PTPA: variants seen among roughly 807,000 people sequenced by gnomAD.
PTPA encodes protein phosphatase 2 phosphatase activator.
In PTPA, 13 loss-of-function variants were observed where a neutral mutation model predicts 43.6. The observed-to-expected ratio is 0.30, with a 90% CI of 0.19 to 0.47. The LOEUF is 0.47. Ranked by LOEUF, PTPA falls within the 20% of genes least tolerant of loss-of-function variation. The pLI is 0.99. For missense variants in PTPA, 329 were observed against 411.9 expected (o/e 0.80, Z 1.74); for synonymous variants, 172 against 158.2 (o/e 1.09, Z -0.66).
chr9:129,137,911 A>C (rs537483246), intron 8 of PTPA: 6 of 569,366 alleles, frequency 1.1e-5, no homozygotes, highest in Non-Finnish European at 2.0e-5. Flanking sequence ...GTTTCTCCTG[A>C]ACACCACAGG....
intron 6 of PTPA, among the ~76,000 whole-genome samples, 170 bp downstream of exon 6, chr9:129,135,064 A>G (rs1339091616): frequency 6.6e-6 from 1 of 152,152 alleles, no homozygotes; most frequent in Non-Finnish European, 1.5e-5. Flanking sequence ...TTTTTCCAAC[A>G]GGTTCAAATT....
In PTPA at chr9:129,147,404, T is replaced by C. The variant is rs372241865; in HGVS notation, c.912T>C (p.Pro304=). 7.4e-6 allele frequency: 12 copies of C among 1,613,908 alleles called. No homozygotes were observed. In the African/African-American group the frequency reaches 1.5e-4, roughly 20 times the overall value. The change falls in exon 10 of 10, where the codon CCT becomes CCC. Residue 304 remains proline, a synonymous_variant. Coordinates refer to ENST00000393370, the MANE Select transcript of PTPA (RefSeq NM_178000.3). ...MYKAECLEKF[P]VIQHFKFGSL... ...CCTCACAGTGCCTGGAGAAGTTCCC[T>C]GTGATCCAGCACTTCAAGTTCGGGA...
At chr9:129,111,167 A>C (rs1024731926), upstream of PTPA, 25 of 1,175,332 alleles carry the variant, frequency 2.1e-5, no homozygotes, top group African/African-American at 3.4e-4. Context: ...ACCCACAAAG[A>C]TGACAGGTGG....
intron 2 of PTPA, among the ~76,000 whole-genome samples, chr9:129,120,901 C>T (rs113410020): frequency 8.7e-4 from 132 of 152,286 alleles, no homozygotes; most frequent in African/African-American, 3.1e-3. Flanking sequence ...ATTGGCTGAA[C>T]ATGAGTGTTT....
chr9:129,111,453 T>C lies in PTPA; in HGVS notation c.-148T>C. On this transcript the variant is annotated 5_prime_UTR_variant, in exon 1 of 10. Coordinates refer to ENST00000393370, the MANE Select transcript of PTPA (RefSeq NM_178000.3). ...CCGTCTTCGCTGTGGTGACTTTAACTCTCGGTTTTCGGTTATAGCCGGCCG... is the reference window on the plus strand; with the variant it reads ...CCGTCTTCGCTGTGGTGACTTTAACCCTCGGTTTTCGGTTATAGCCGGCCG... 8.0e-7 allele frequency: 1 copy of C among 1,256,082 alleles called. No individual in the cohort carries two copies. Among genetic ancestry groups the C allele is most frequent in the Non-Finnish European group, 1.0e-6 (1 of 992,350 alleles). 77.8% of individuals were successfully genotyped at this position (1,256,082 alleles called of 1,614,324 possible).
chr9:129,119,887 G>T (rs1223606731), intron 1 of PTPA, among the ~76,000 whole-genome samples: 2 of 152,122 alleles, frequency 1.3e-5, no homozygotes, highest in African/African-American at 2.4e-5. Flanking sequence ...TGTGGGTTTG[G>T]CTTAACAAGC....
rs768468985 is a variant in PTPA, at chr9:129,128,989, T to C, written c.221T>C (p.Ile74Thr). 4 of 1,613,200 alleles carry C rather than the reference T, an allele frequency of 2.5e-6. No homozygotes were observed. In the Admixed American group the frequency reaches 6.7e-5, roughly 27 times the overall value. ...LTFEYRVSEAIEKLVALLNTL... is the reference protein window; with the variant it reads ...LTFEYRVSEATEKLVALLNTL... The stretch of plus-strand genomic sequence containing the variant: ...CCCTCTATTTTGCCTCCACAGGCCA[T>C]TGAGAAACTAGTCGCTCTTCTCAAC... The change falls in exon 4 of 10, where the codon ATT becomes ACT. Residue 74 changes from isoleucine to threonine, a missense_variant. Ile to Thr is a moderately conservative substitution (Grantham distance 89). Coordinates refer to ENST00000393370, the MANE Select transcript of PTPA (RefSeq NM_178000.3).
chr9:129,137,341 C>T (rs1468120979), intron 7 of PTPA, among the ~76,000 whole-genome samples: 2 of 152,198 alleles, frequency 1.3e-5, no homozygotes, highest in Non-Finnish European at 2.9e-5. Context: ...AGGAGGTGCT[C>T]TTCTTGTCCC....
At chr9:129,146,264 C>G (rs1314807162) in intron 9 of PTPA, among the ~76,000 whole-genome samples, 2 of 152,182 alleles carry the variant, frequency 1.3e-5, no homozygotes, top group African/African-American at 4.8e-5. Flanking sequence ...AGGATCCTGG[C>G]TGTGGCCAGG....
intron 8 of PTPA, 46 bp downstream of exon 8, chr9:129,137,738 C>A (rs1850473748): frequency 6.7e-7 from 1 of 1,484,244 alleles, no homozygotes; most frequent in South Asian, 1.2e-5. Flanking sequence ...CCTCCAGGCT[C>A]AGATGAACCA....
intron 3 of PTPA, 108 bp from the exon 4 acceptor site, chr9:129,128,877 G>GT: frequency 7.1e-7 from 1 of 1,400,480 alleles, no homozygotes; most frequent in Non-Finnish European, 9.8e-7. Context: ...AGAGTTCCCA[G>GT]TAGGGGCCAT....
intron 6 of PTPA, 71 bp from the exon 7 acceptor site, chr9:129,136,399 TC>T: frequency 6.7e-7 from 1 of 1,496,166 alleles, no homozygotes; most frequent in South Asian, 1.3e-5. Context: ...CTCCTTGTGC[TC>T]CCAGTGGCCG....
At chr9:129,144,487 C>G (rs1851148430) in intron 9 of PTPA, among the ~76,000 whole-genome samples, 1 of 152,116 alleles carries the variant, frequency 6.6e-6, no homozygotes, top group Non-Finnish European at 1.5e-5. Flanking sequence ...GCCTGTAATC[C>G]CAGCACTTTG....
chr9:129,137,767 T>C, intron 8 of PTPA, 75 bp downstream of exon 8: 1 of 1,356,204 alleles, frequency 7.4e-7, no homozygotes, highest in Non-Finnish European at 1.0e-6. Flanking sequence ...GGCCTTACAG[T>C]GGATCAGAAG....
intron 8 of PTPA, among the ~76,000 whole-genome samples, chr9:129,140,571 G>T (rs555167094): frequency 1.3e-5 from 2 of 152,352 alleles, no homozygotes; most frequent in African/African-American, 4.8e-5. Context: ...GGAGGCAGGG[G>T]CTCTTGTCTT....
intron 3 of PTPA, among the ~76,000 whole-genome samples, chr9:129,128,223 C>T (rs1849709287): frequency 6.6e-6 from 1 of 152,106 alleles, no homozygotes. Context: ...GAGAAGATAA[C>T]ACAGAAGGGT....
chr9:129,143,512 A>C, intron 9 of PTPA: 1 of 695,172 alleles, frequency 1.4e-6, no homozygotes, highest in South Asian at 1.5e-5. Context: ...TCCCATCAGC[A>C]GAGGCGGGAC....
intron 3 of PTPA, among the ~76,000 whole-genome samples, chr9:129,124,752 C>T (rs1385808032): frequency 6.6e-6 from 1 of 152,206 alleles, no homozygotes; most frequent in African/African-American, 2.4e-5. Flanking sequence ...AAGGGCCTCC[C>T]TTTACTTTGG....
At chr9:129,111,191 G>C (rs1848443582), upstream of PTPA, 34 of 1,089,270 alleles carry the variant, frequency 3.1e-5, no homozygotes, top group South Asian at 9.2e-5. Flanking sequence ...TCCGGGACAG[G>C]AGACTGTCCC....
Sources: gnomAD v4.1 joint callset for allele counts (sites outside exome capture counted in the v4.1 genomes callset) on GRCh38, gnomAD v4.1.1 for gene constraint, MANE v1.5 for transcripts, NCBI Gene and HGNC (gene_info 2026-07-23, HGNC 2026-07-21) for gene names.